NIPSNAP2: variants seen among roughly 807,000 people sequenced by gnomAD.
The protein encoded by NIPSNAP2 is protein NipSnap homolog 2.
NIPSNAP2 carries 42 observed loss-of-function variants against 48.4 expected under a neutral mutation model. The ratio of observed to expected loss-of-function variants is 0.87; its 90% confidence interval spans 0.68 to 1.12. The LOEUF (loss-of-function observed/expected upper bound fraction) is 1.12. Among genes scored for constraint, NIPSNAP2 ranks in the 50% most tolerant of loss-of-function variants. The probability of loss-of-function intolerance (pLI) is 0.00; values close to 1 mark genes in which losing one functional copy is unlikely to be tolerated. For synonymous variants in NIPSNAP2, 158 were observed against 126.6 expected (o/e 1.25, Z -1.67); for missense variants, 314 against 347.3 (o/e 0.90, Z 0.76).
chr7:55,989,758 G>C (rs1370581942), intron 7 of NIPSNAP2, among the ~76,000 whole-genome samples: 1 of 152,084 alleles, frequency 6.6e-6, no homozygotes, highest in East Asian at 1.9e-4. Context: ...TGAGATTGTT[G>C]GTGTTTTCTT....
At chr7:55,978,717 G>A (rs777833177) in intron 3 of NIPSNAP2, 2 of 270,932 alleles carry the variant, frequency 7.4e-6, no homozygotes, top group South Asian at 6.4e-5. Context: ...CTGACTGCCT[G>A]TCCTGAAGTA....
intron 7 of NIPSNAP2, among the ~76,000 whole-genome samples, chr7:55,993,988 C>T (rs1008921713): frequency 6.6e-6 from 1 of 151,820 alleles, no homozygotes; most frequent in African/African-American, 2.4e-5. Context: ...CACCAGAAAG[C>T]TTCATTCCCA....
intron 3 of NIPSNAP2, 100 bp from the exon 4 acceptor site, chr7:55,981,373 C>T: frequency 1.3e-6 from 1 of 767,632 alleles, no homozygotes; most frequent in Non-Finnish European, 2.3e-6. Flanking sequence ...GTTGTTAGAA[C>T]ACAGAGTAGG....
chr7:55,987,552 C>T (rs912727340), intron 7 of NIPSNAP2, among the ~76,000 whole-genome samples: 6 of 152,146 alleles, frequency 3.9e-5, no homozygotes, highest in Admixed American at 2.0e-4. Flanking sequence ...CACTTGAACC[C>T]GGGAGGTGGA....
intron 7 of NIPSNAP2, chr7:55,991,761 A>ATAT (rs1190385564): frequency 0.052 from 7,798 of 149,858 alleles, 266 homozygotes; most frequent in East Asian, 0.15. Flanking sequence ...AAAAAAAAAA[A>ATAT]AAAAATATAT....
chr7:55,974,662 C>A (rs985646524), intron 1 of NIPSNAP2, among the ~76,000 whole-genome samples: 1 of 151,990 alleles, frequency 6.6e-6, no homozygotes, highest in South Asian at 2.1e-4. Context: ...TCCTGGCTAA[C>A]ACGGTGAAAC....
Position 55,983,779 on chromosome 7 carries a change from A to C in NIPSNAP2, c.496A>C (p.Asn166His). The C allele has an allele frequency of 6.2e-7, 1 of 1,614,132 alleles. No individual in the cohort carries two copies. The highest frequency in any genetic ancestry group is 8.5e-7 in the Non-Finnish European group (1 of 1,179,978). Reference protein sequence around the residue: ...ARSDMLLSRKNQLLLEFSFWN... With the variant: ...ARSDMLLSRKHQLLLEFSFWN... ...AAGTGACATGCTTCTCTCCAGGAAGAATCAGCTCCTGTTGGAGTTCAGTTT... is the reference window on the plus strand; with the variant it reads ...AAGTGACATGCTTCTCTCCAGGAAGCATCAGCTCCTGTTGGAGTTCAGTTT... The change falls in exon 6 of 10, where the codon AAT (asparagine) becomes CAT (histidine). Residue 166 changes from asparagine to histidine, a missense_variant. Physicochemically the swap from Asn to His is moderately conservative, Grantham distance 68 (BLOSUM62 1). Transcript: ENST00000322090.
intron 3 of NIPSNAP2, 135 bp from the exon 4 acceptor site, chr7:55,981,338 G>A (rs1368955830): frequency 2.8e-5 from 18 of 636,530 alleles, no homozygotes; most frequent in Non-Finnish European, 4.6e-5. Flanking sequence ...TCCACATGCC[G>A]TTTTATCATG....
chr7:55,972,032 A>G (rs1231764564), intron 1 of NIPSNAP2, among the ~76,000 whole-genome samples: 2 of 152,202 alleles, frequency 1.3e-5, no homozygotes, highest in Non-Finnish European at 2.9e-5. Flanking sequence ...TTGGCTGGGC[A>G]CAGTGGCTCA....
intron 7 of NIPSNAP2, among the ~76,000 whole-genome samples, chr7:55,992,302 C>T (rs534119717): frequency 6.6e-6 from 1 of 152,156 alleles, no homozygotes; most frequent in African/African-American, 2.4e-5. Context: ...AGCAAGGCCC[C>T]ATCTCAACAA....
At position 55,996,297 on chromosome 7, in the gene NIPSNAP2, A is replaced by G. The variant is rs1015832450; in HGVS notation, c.713-1069A>G. 2.6e-5 allele frequency among the ~76,000 whole-genome samples: 4 copies of G among 151,808 alleles called. 1 individual carries two copies. Among genetic ancestry groups the G allele is most frequent in the Admixed American group, 2.0e-4 (3 of 15,232 alleles). ...CAAGACTCCGTCTCAAAAAAAAAAAAAAAAGAAAAGAAACCAAGGCATCTG... is the reference window on the plus strand; with the variant it reads ...CAAGACTCCGTCTCAAAAAAAAAAAGAAAAGAAAAGAAACCAAGGCATCTG... On this transcript the variant is annotated intron_variant, in intron 8 of 9. Transcript: ENST00000322090.
chr7:55,998,586 C>T (rs375377052), intron 9 of NIPSNAP2, among the ~76,000 whole-genome samples: 5 of 147,154 alleles, frequency 3.4e-5, no homozygotes, highest in African/African-American at 5.0e-5. Context: ...CTGCAACCTC[C>T]GCCTCCCGGT....
intron 8 of NIPSNAP2, 139 bp downstream of exon 8, chr7:55,995,127 G>T: frequency 1.4e-6 from 1 of 702,494 alleles, no homozygotes. Flanking sequence ...TCTGTACGGG[G>T]CTGTCTGGAA....
At chr7:55,987,277 A>T (rs145487178) in intron 7 of NIPSNAP2, among the ~76,000 whole-genome samples, 1 of 152,172 alleles carries the variant, frequency 6.6e-6, no homozygotes, top group African/African-American at 2.4e-5. Flanking sequence ...TCATAGCTTT[A>T]TTTGCAGTAG....
chr7:55,997,062 G>A (rs1476889664), intron 8 of NIPSNAP2, among the ~76,000 whole-genome samples: 1 of 151,978 alleles, frequency 6.6e-6, no homozygotes, highest in African/African-American at 2.4e-5. Flanking sequence ...AGCAGGCTGA[G>A]GTGGGAGGAT....
At chr7:55,995,598 C>G (rs1787546511) in intron 8 of NIPSNAP2, among the ~76,000 whole-genome samples, 1 of 152,192 alleles carries the variant, frequency 6.6e-6, no homozygotes. Context: ...GCAACCCTCC[C>G]AGGCATGTGA....
intron 1 of NIPSNAP2, among the ~76,000 whole-genome samples, chr7:55,975,959 C>T (rs1337483991): frequency 6.6e-6 from 1 of 152,172 alleles, no homozygotes; most frequent in Non-Finnish European, 1.5e-5. Context: ...ATCGCTTGAA[C>T]CTGGGAGGTG....
intron 9 of NIPSNAP2, among the ~76,000 whole-genome samples, chr7:55,998,118 G>A (rs1381290474): frequency 6.6e-6 from 1 of 151,982 alleles, no homozygotes; most frequent in Non-Finnish European, 1.5e-5. Context: ...TCGGGAGTTC[G>A]AGACCAGCCT....
chr7:55,966,024 A>G (rs889060076), intron 1 of NIPSNAP2, among the ~76,000 whole-genome samples: 1 of 152,188 alleles, frequency 6.6e-6, no homozygotes, highest in African/African-American at 2.4e-5. Flanking sequence ...CGTGCCAGGC[A>G]CTGTTGACTG....
Sources: gnomAD v4.1 joint callset for allele counts (sites outside exome capture counted in the v4.1 genomes callset) on GRCh38, gnomAD v4.1.1 for gene constraint, MANE v1.5 for transcripts, NCBI Gene and HGNC (gene_info 2026-07-23, HGNC 2026-07-21) for gene names.